The following CREB5 variants were observed in gnomAD, a reference collection of about 807,000 sequenced individuals.
CREB5 encodes the protein cAMP responsive element binding protein 5.
CREB5 carries 19 observed loss-of-function variants against 57.1 expected under a neutral mutation model. The observed-to-expected ratio is 0.33, with a 90% CI of 0.23 to 0.49. The LOEUF is 0.49. Among genes scored for constraint, CREB5 ranks in the 20% least tolerant of loss-of-function variants. The pLI is 0.99. For missense variants in CREB5, 579 were observed against 671.6 expected (o/e 0.86, Z 1.52); for synonymous variants, 238 against 238.3 (o/e 1.00, Z 0.01).
intron 5 of CREB5, among the ~76,000 whole-genome samples, chr7:28,664,508 C>T (rs895991942): frequency 6.6e-6 from 1 of 152,080 alleles, no homozygotes; most frequent in Non-Finnish European, 1.5e-5. Flanking sequence ...TGAAATTTCC[C>T]ATTTTATTCT....
intron 5 of CREB5, among the ~76,000 whole-genome samples, chr7:28,640,633 G>A (rs1167430390): frequency 3.3e-5 from 5 of 152,170 alleles, no homozygotes; most frequent in African/African-American, 1.2e-4. Flanking sequence ...CCACAATTAG[G>A]ATATAGTACA....
chr7:28,737,281 A>AT (rs1472632196), intron 7 of CREB5, among the ~76,000 whole-genome samples: 1 of 151,710 alleles, frequency 6.6e-6, no homozygotes, highest in Non-Finnish European at 1.5e-5. Context: ...TAAGAATAAA[A>AT]TTTTTTGCTG....
intron 1 of CREB5, among the ~76,000 whole-genome samples, chr7:28,326,974 C>G (rs1362685304): frequency 2.0e-5 from 3 of 151,814 alleles, no homozygotes; most frequent in South Asian, 2.1e-4. Context: ...ACGGCGAAAC[C>G]CTGTCTTGAG....
intron 1 of CREB5, among the ~76,000 whole-genome samples, chr7:28,423,856 G>A (rs1270208997): frequency 2.0e-5 from 3 of 152,216 alleles, no homozygotes; most frequent in Admixed American, 6.5e-5. Flanking sequence ...CCTCCTCCCA[G>A]GGCGACCACA....
At chr7:28,581,018 A>T (rs1252109041) in intron 5 of CREB5, among the ~76,000 whole-genome samples, 1 of 152,142 alleles carries the variant, frequency 6.6e-6, no homozygotes, top group Non-Finnish European at 1.5e-5. Context: ...AATTTTTTTC[A>T]TGACACTGTG....
At chr7:28,409,905 A>C (rs1446626215), upstream of CREB5, 2 of 455,246 alleles carry the variant, frequency 4.4e-6, no homozygotes, top group Non-Finnish European at 8.8e-6. This position sits in a 1 kb window ranked among gnomAD's most constrained non-coding sequence, Gnocchi z 4.4. Context: ...GAGACCTGGC[A>C]AGGTGCGGAG....
chr7:28,480,984 A>G (rs1291819746), intron 1 of CREB5, among the ~76,000 whole-genome samples: 1 of 152,158 alleles, frequency 6.6e-6, no homozygotes, highest in Non-Finnish European at 1.5e-5. Flanking sequence ...TAAAAAAAAG[A>G]AAGAAAGAGG....
chr7:28,793,384 T>C (rs1807840501), intron 7 of CREB5, among the ~76,000 whole-genome samples: 1 of 152,190 alleles, frequency 6.6e-6, no homozygotes, highest in Admixed American at 6.5e-5. Flanking sequence ...GACTTCTTAC[T>C]AGAAAAAGTT....
intron 7 of CREB5, among the ~76,000 whole-genome samples, chr7:28,758,704 C>G (rs953904393): frequency 6.6e-6 from 1 of 152,172 alleles, no homozygotes; most frequent in African/African-American, 2.4e-5. Flanking sequence ...TCTTTAAAGT[C>G]ACTTTAACAT....
chr7:28,560,957 T>TGCGTGCGCGTGTGCGTGCGTGCGC (rs1375860415), intron 4 of CREB5, among the ~76,000 whole-genome samples: 4 of 43,436 alleles, frequency 9.2e-5, no homozygotes, highest in Non-Finnish European at 4.4e-5. Context: ...TGTGCGTGTG[T>TGCGTGCGCGTGTGCGTGCGTGCGC]GTGCGTGTGT....
At chr7:28,648,045 T>A (rs1798955681) in intron 5 of CREB5, among the ~76,000 whole-genome samples, 1 of 152,216 alleles carries the variant, frequency 6.6e-6, no homozygotes, top group African/African-American at 2.4e-5. Context: ...CTTATAAAAA[T>A]TATAGCATCA....
intron 1 of CREB5, among the ~76,000 whole-genome samples, chr7:28,337,411 T>C (rs1785845113): frequency 1.3e-5 from 2 of 152,166 alleles, no homozygotes; most frequent in Admixed American, 6.5e-5. Context: ...AATTGTTATA[T>C]CCTATTGCTG....
chr7:28,788,107 G>T (rs1241777620), intron 7 of CREB5, among the ~76,000 whole-genome samples: 1 of 152,098 alleles, frequency 6.6e-6, no homozygotes. Context: ...TTAAGGCAAG[G>T]TTTCTCAGCT....
At chr7:28,634,616 T>G (rs1483660075) in intron 5 of CREB5, among the ~76,000 whole-genome samples, 1 of 152,138 alleles carries the variant, frequency 6.6e-6, no homozygotes, top group African/African-American at 2.4e-5. Context: ...GTCAAAATTG[T>G]AATCCCAGAA....
At chr7:28,789,119 A>G (rs1466232019) in intron 7 of CREB5, among the ~76,000 whole-genome samples, 1 of 152,168 alleles carries the variant, frequency 6.6e-6, no homozygotes, top group Non-Finnish European at 1.5e-5. Context: ...AGTTGTCCTG[A>G]CAAGATAATT....
chr7:28,672,991 A>G (rs1373424665), intron 5 of CREB5, among the ~76,000 whole-genome samples: 1 of 152,052 alleles, frequency 6.6e-6, no homozygotes, highest in Non-Finnish European at 1.5e-5. Flanking sequence ...GACCCCAGAA[A>G]CCACCCGCCC....
rs139209596 is a variant in CREB5 at position 28,331,666 on chromosome 7, A to G, written c.-25+32225A>G. On this transcript the variant is annotated intron_variant, in intron 1 of 9. Coordinates refer to the CREB5 transcript ENST00000396299. ...GGAGTTCGAGACCAGCCTGGCCAACATAGTGAAACCTCAACTCTACTAAAA... is the reference window on the plus strand; with the variant it reads ...GGAGTTCGAGACCAGCCTGGCCAACGTAGTGAAACCTCAACTCTACTAAAA... Among the ~76,000 whole-genome samples the G allele has an allele frequency of 9.2e-5, 14 of 152,206 alleles. No homozygotes were observed. The East Asian group carries it at 2.3e-3, about 25-fold the overall frequency.
rs1562797049 is a variant in CREB5, at chr7:28,560,831, C to CGT, written c.292-9533_292-9532insTG. ...GCGCGTGTGTGTGTGTGCGCGCGCGCGCGTGTGTGTGTGCGCGTGTGTGTG... is the reference window on the plus strand; with the variant it reads ...GCGCGTGTGTGTGTGTGCGCGCGCGCGTGCGTGTGTGTGTGCGCGTGTGTGTG... On this transcript the variant is annotated intron_variant, in intron 4 of 10. Coordinates refer to ENST00000357727, the MANE Select transcript of CREB5 (RefSeq NM_182898.4). 8.1e-4 allele frequency among the ~76,000 whole-genome samples: 48 copies of CGT among 58,928 alleles called. 2 individuals are homozygous for CGT. Among genetic ancestry groups the CGT allele is most frequent in the South Asian group, 1.4e-3 (2 of 1,468 alleles). 38.7% of individuals were successfully genotyped at this position (58,928 alleles called of 152,430 possible).
At chr7:28,467,762 G>A (rs1201006249) in intron 1 of CREB5, among the ~76,000 whole-genome samples, 4 of 152,136 alleles carry the variant, frequency 2.6e-5, no homozygotes, top group Admixed American at 1.3e-4. Flanking sequence ...AAGTGGGCCA[G>A]GACAGCATCC....
Sources: gnomAD v4.1 joint callset for allele counts (sites outside exome capture counted in the v4.1 genomes callset) on GRCh38, gnomAD v4.1.1 for gene constraint, Gnocchi (gnomAD v3.1) non-coding constraint, MANE v1.5 for transcripts, NCBI Gene and HGNC (gene_info 2026-07-23, HGNC 2026-07-21) for gene names.